Variants in GLRA3 observed in about 807,000 individuals in gnomAD.
The protein encoded by GLRA3 is glycine receptor alpha 3.
GLRA3 carries 44 observed loss-of-function variants against 60.4 expected under a neutral mutation model. The observed-to-expected ratio is 0.73, with a 90% CI of 0.57 to 0.94. The LOEUF is 0.94. Among genes scored for constraint, GLRA3 ranks in the 40% least tolerant of loss-of-function variants. GLRA3 has a pLI of 0.00. For missense variants in GLRA3, 508 were observed against 564.6 expected, an observed-to-expected ratio of 0.90 and a Z score of 1.02; for synonymous variants, 223 against 192.9, an observed-to-expected ratio of 1.16 and a Z score of -1.29.
At chr4:174,810,848 C>T (rs1292263824) in intron 1 of GLRA3, among the ~76,000 whole-genome samples, 1 of 152,104 alleles carries the variant, frequency 6.6e-6, no homozygotes. Flanking sequence ...AATAGTTTGT[C>T]AATATTACTT....
At position 174,780,116 on chromosome 4, in the gene GLRA3, C is replaced by T. The variant is rs1738803896; in HGVS notation, c.199+8700G>A. Among the ~76,000 whole-genome samples the T allele has an allele frequency of 2.0e-5, 3 of 149,976 alleles. No individual in the cohort carries two copies. In the South Asian group the frequency reaches 6.6e-4, roughly 33 times the overall value. ...CCCATCAGACTAACAGTGGATCTCT[C>T]AGCAGAAACCCTACAAGCCAGAAGA... On this transcript the variant is annotated intron_variant, in intron 2 of 9. Transcript: ENST00000274093.
At chr4:174,654,327 T>G (rs11944109) in intron 9 of GLRA3, among the ~76,000 whole-genome samples, 7,293 of 149,500 alleles carry the variant, frequency 0.049, 561 homozygotes, top group African/African-American at 0.17. Flanking sequence ...TCATGAATTA[T>G]TTTTAAAGTA....
At chr4:174,762,984 A>T (rs1263057798) in intron 3 of GLRA3, among the ~76,000 whole-genome samples, 1 of 152,146 alleles carries the variant, frequency 6.6e-6, no homozygotes, top group Non-Finnish European at 1.5e-5. Flanking sequence ...TGAACTTCAT[A>T]CAAACGGAAG....
At chr4:174,748,143 G>T (rs1380285734) in intron 3 of GLRA3, among the ~76,000 whole-genome samples, 5 of 152,142 alleles carry the variant, frequency 3.3e-5, no homozygotes, top group African/African-American at 1.2e-4. Context: ...TCAAGAAATA[G>T]AAAGAAGATA....
At chr4:174,729,895 G>A (rs771954340) in intron 3 of GLRA3, among the ~76,000 whole-genome samples, 9 of 152,108 alleles carry the variant, frequency 5.9e-5, no homozygotes, top group South Asian at 4.2e-4. Flanking sequence ...CAATCACAAC[G>A]GATGCTTTAA....
intron 5 of GLRA3, among the ~76,000 whole-genome samples, chr4:174,689,061 T>C (rs76551749): frequency 0.013 from 2,050 of 152,298 alleles, 40 homozygotes; most frequent in African/African-American, 0.046. Flanking sequence ...TTCAATGTTT[T>C]AGTTAAAACT....
chr4:174,675,976 C>CA (rs1190217039), intron 7 of GLRA3, among the ~76,000 whole-genome samples: 2 of 151,728 alleles, frequency 1.3e-5, no homozygotes, highest in East Asian at 3.9e-4. Flanking sequence ...CAAATGCACA[C>CA]AAAAAAAGTT....
intron 2 of GLRA3, among the ~76,000 whole-genome samples, chr4:174,767,353 T>A (rs938818423): frequency 6.6e-6 from 1 of 152,098 alleles, no homozygotes; most frequent in Non-Finnish European, 1.5e-5. Flanking sequence ...TTTCTATTGA[T>A]CTTTTCCCCG....
At chr4:174,788,679 G>C in intron 2 of GLRA3, 137 bp downstream of exon 2, 1 of 341,716 alleles carries the variant, frequency 2.9e-6, no homozygotes, top group Non-Finnish European at 5.0e-6. Context: ...TCTTTTTCAA[G>C]ACACCTTGGT....
chr4:174,695,290 A>T (rs1003510865), intron 5 of GLRA3, among the ~76,000 whole-genome samples: 2 of 152,150 alleles, frequency 1.3e-5, no homozygotes, highest in African/African-American at 4.8e-5. Context: ...CAACAAAAAA[A>T]GAAAACTTCA....
Position 174,637,640 on chromosome 4 carries a change from T to TAAAACA in GLRA3, c.*6140_*6145dup, listed in dbSNP as rs1235686387. 6.6e-6 allele frequency: 1 copy of TAAAACA among 152,208 alleles called. No individual in the cohort carries two copies. The highest frequency in any genetic ancestry group is 2.4e-5 in the African/African-American group (1 of 41,474). 9.4% of individuals were successfully genotyped at this position (152,208 alleles called of 1,614,324 possible). ...CCCAGAGTAAAAGCAGCTATTAAAA[T>TAAAACA]AAAACAACTTAATCCCCTGTACTTT... On this transcript the variant is annotated 3_prime_UTR_variant, in exon 10 of 10. Transcript: ENST00000274093.
chr4:174,827,799 A>T lies in GLRA3; in HGVS notation c.71+942T>A, dbSNP rs768138319. On this transcript the variant is annotated intron_variant, in intron 1 of 9. Coordinates refer to ENST00000274093, the MANE Select transcript of GLRA3 (RefSeq NM_006529.4). The stretch of plus-strand genomic sequence containing the variant: ...ATGAAAAATCGACATAGCAATAAAG[A>T]ATATTTAAATACTTCAAGTAGAAAT... 2.6e-5 allele frequency among the ~76,000 whole-genome samples: 4 copies of T among 152,088 alleles called. No homozygotes were observed. In the South Asian group the frequency reaches 6.2e-4, roughly 24 times the overall value.
At chr4:174,684,171 C>G (rs1734464127) in intron 5 of GLRA3, among the ~76,000 whole-genome samples, 1 of 151,006 alleles carries the variant, frequency 6.6e-6, no homozygotes, top group South Asian at 2.1e-4. Context: ...AACATCTACA[C>G]CAGTATATTG....
rs1012239855 is a variant in GLRA3 at position 174,642,674 on chromosome 4, T to C, written c.*1112A>G. Reference sequence around the variant, plus strand: ...GATTTTGAAATCATTAATTCAGAAATAGAAAAAGAGTCCTCACTTTATAGA... The same window carrying C: ...GATTTTGAAATCATTAATTCAGAAACAGAAAAAGAGTCCTCACTTTATAGA... On this transcript the variant is annotated 3_prime_UTR_variant, in exon 10 of 10. Transcript: ENST00000274093. 8 of 743,178 alleles carry C rather than the reference T, an allele frequency of 1.1e-5. No individual in the cohort carries two copies. Among genetic ancestry groups the C allele is most frequent in the Non-Finnish European group, 1.3e-5 (8 of 609,376 alleles). 46.0% of individuals were successfully genotyped at this position (743,178 alleles called of 1,614,324 possible). A position where few individuals can be genotyped will look rare whatever the true frequency, so the allele number is the denominator to read the frequency against.
chr4:174,751,991 A>G (rs1209535182), intron 3 of GLRA3, among the ~76,000 whole-genome samples: 2 of 152,126 alleles, frequency 1.3e-5, no homozygotes, highest in Non-Finnish European at 2.9e-5. Context: ...AGGAGAAACT[A>G]AACAGAAAAG....
intron 1 of GLRA3, among the ~76,000 whole-genome samples, chr4:174,799,290 T>C (rs1386453671): frequency 6.6e-6 from 1 of 152,242 alleles, no homozygotes; most frequent in African/African-American, 2.4e-5. Flanking sequence ...AAGCCTACAC[T>C]TTAAAACAAA....
intron 7 of GLRA3, among the ~76,000 whole-genome samples, chr4:174,668,843 T>C (rs1268348374): frequency 1.3e-5 from 2 of 152,106 alleles, no homozygotes; most frequent in Non-Finnish European, 2.9e-5. Flanking sequence ...AAAAGTGTAA[T>C]AAAACATCAC....
intron 6 of GLRA3, among the ~76,000 whole-genome samples, chr4:174,681,590 T>C (rs73000697): frequency 8.6e-4 from 131 of 152,038 alleles, no homozygotes; most frequent in African/African-American, 3.0e-3. Flanking sequence ...CAGAAATAGG[T>C]AGTCAGGAAG....
intron 2 of GLRA3, 126 bp downstream of exon 2, chr4:174,788,690 G>A (rs1739215389): frequency 2.1e-6 from 1 of 479,220 alleles, no homozygotes; most frequent in African/African-American, 2.0e-5. Flanking sequence ...ACACCTTGGT[G>A]ACTAATGCAA....
Sources: gnomAD v4.1 joint callset for allele counts (sites outside exome capture counted in the v4.1 genomes callset) on GRCh38, gnomAD v4.1.1 for gene constraint, MANE v1.5 for transcripts, NCBI Gene and HGNC (gene_info 2026-07-23, HGNC 2026-07-21) for gene names.